The following ZMAT4 variants were observed in gnomAD, a reference collection of about 807,000 sequenced individuals.
ZMAT4 encodes zinc finger matrin-type protein 4.
Under a neutral mutation model 28.7 loss-of-function variants are expected in ZMAT4, and 17 were observed. The ratio of observed to expected loss-of-function variants is 0.59; its 90% confidence interval spans 0.41 to 0.89. The LOEUF is 0.89. Ranked by LOEUF, ZMAT4 falls within the 40% of genes least tolerant of loss-of-function variation. The pLI is 0.00. For synonymous variants in ZMAT4, 117 were observed against 109.2 expected, an observed-to-expected ratio of 1.07 and a Z score of -0.44; for missense variants, 240 against 283.8, an observed-to-expected ratio of 0.85 and a Z score of 1.11.
intron 6 of ZMAT4, among the ~76,000 whole-genome samples, chr8:40,570,803 G>A (rs1247957219): frequency 6.6e-6 from 1 of 152,180 alleles, no homozygotes; most frequent in Non-Finnish European, 1.5e-5. Context: ...TTGAGAGACA[G>A]GGCTGACCCT....
chr8:40,601,348 A>G (rs1805295928), intron 5 of ZMAT4, among the ~76,000 whole-genome samples: 1 of 148,918 alleles, frequency 6.7e-6, no homozygotes. Context: ...AAAGGTCTTC[A>G]AAGTTCACAG....
At chr8:40,597,097 T>C (rs1203105760) in intron 5 of ZMAT4, among the ~76,000 whole-genome samples, 2 of 152,210 alleles carry the variant, frequency 1.3e-5, no homozygotes, top group East Asian at 3.8e-4. Context: ...GATGGATAAA[T>C]AGATGTACAT....
At chr8:40,803,186 C>T (rs746887674) in intron 2 of ZMAT4, among the ~76,000 whole-genome samples, 6 of 152,064 alleles carry the variant, frequency 3.9e-5, no homozygotes, top group Non-Finnish European at 5.9e-5. Flanking sequence ...AGTTGCAACA[C>T]TGTAGGCATG....
At chr8:40,742,655 TC>T (rs1812055641) in intron 3 of ZMAT4, among the ~76,000 whole-genome samples, 1 of 152,076 alleles carries the variant, frequency 6.6e-6, no homozygotes, top group Admixed American at 6.6e-5. Flanking sequence ...CTAATCTACT[TC>T]ATACATTCTT....
At chr8:40,606,202 T>C (rs1013027913) in intron 5 of ZMAT4, among the ~76,000 whole-genome samples, 2 of 152,218 alleles carry the variant, frequency 1.3e-5, no homozygotes, top group Non-Finnish European at 2.9e-5. Flanking sequence ...AGAGGTACTA[T>C]TCTCTTCATC....
chr8:40,547,241 A>G (rs2118405741), intron 6 of ZMAT4, among the ~76,000 whole-genome samples: 1 of 152,246 alleles, frequency 6.6e-6, no homozygotes, highest in African/African-American at 2.4e-5. Flanking sequence ...GATCTCATGA[A>G]CGGCTGCTGG....
At chr8:40,880,403 A>G (rs1818180372) in intron 1 of ZMAT4, among the ~76,000 whole-genome samples, 1 of 152,060 alleles carries the variant, frequency 6.6e-6, no homozygotes, top group Non-Finnish European at 1.5e-5. Context: ...ATCCTAAAAA[A>G]TCACGCTTTC....
intron 1 of ZMAT4, among the ~76,000 whole-genome samples, chr8:40,876,155 G>T (rs964198526): frequency 6.6e-6 from 1 of 152,092 alleles, no homozygotes; most frequent in Non-Finnish European, 1.5e-5. Flanking sequence ...GCAATGACCC[G>T]CTTATTTTCT....
chr8:40,611,908 A>G (rs761882543), intron 5 of ZMAT4, among the ~76,000 whole-genome samples: 1 of 152,240 alleles, frequency 6.6e-6, no homozygotes, highest in African/African-American at 2.4e-5. Context: ...TGAAAGATTT[A>G]GGGTCTGGAA....
intron 3 of ZMAT4, among the ~76,000 whole-genome samples, chr8:40,711,479 T>C (rs560753515): frequency 2.5e-4 from 38 of 152,156 alleles, no homozygotes; most frequent in Middle Eastern, 6.8e-3. Context: ...TCCAATCAAG[T>C]CTCTGAAACC....
chr8:40,621,928 G>A (rs1011934353), intron 5 of ZMAT4, among the ~76,000 whole-genome samples: 1 of 152,180 alleles, frequency 6.6e-6, no homozygotes, highest in African/African-American at 2.4e-5. Context: ...ACTAACAGCA[G>A]TTATGGGGTG....
intron 6 of ZMAT4, among the ~76,000 whole-genome samples, chr8:40,548,539 G>A (rs1646144198): frequency 6.6e-6 from 1 of 152,120 alleles, no homozygotes; most frequent in Non-Finnish European, 1.5e-5. Context: ...GAAATTTAAA[G>A]CCAAAGTATG....
At position 40,581,247 on chromosome 8, in the gene ZMAT4, A is replaced by G. The variant is rs751934990; in HGVS notation, c.592T>C (p.Tyr198His). Residue 198 changes from tyrosine (Y) to histidine (H), a missense_variant, in exon 6 of 7, where the codon TAC (tyrosine) becomes CAC (histidine). Transcript: ENST00000297737. The stretch of plus-strand genomic sequence containing the variant: ...GAGACACTGCAGATGGTACATCTGT[A>G]ATTGCGCCTCAGACCTGTGGACAAC... ...MGELRGLRRN[Y>H]RCTICSVSLN... 1 of 1,613,256 alleles carries G rather than the reference A, an allele frequency of 6.2e-7. No individual in the cohort carries two copies. Among genetic ancestry groups the G allele is most frequent in the Non-Finnish European group, 8.5e-7 (1 of 1,179,394 alleles).
intron 3 of ZMAT4, among the ~76,000 whole-genome samples, chr8:40,716,761 A>G (rs1476863263): frequency 1.3e-5 from 2 of 152,166 alleles, no homozygotes; most frequent in Non-Finnish European, 2.9e-5. Flanking sequence ...CTAGCAGGAG[A>G]TCTTCATTAC....
chr8:40,670,913 G>A (rs560208786), intron 5 of ZMAT4, among the ~76,000 whole-genome samples: 6 of 151,496 alleles, frequency 4.0e-5, no homozygotes, highest in African/African-American at 4.8e-5. Flanking sequence ...CTAAAAATAC[G>A]AAAATTAGCT....
chr8:40,658,024 A>C (rs1424728824), intron 5 of ZMAT4, among the ~76,000 whole-genome samples: 1 of 151,818 alleles, frequency 6.6e-6, no homozygotes, highest in Non-Finnish European at 1.5e-5. Flanking sequence ...TTTCAAGTTC[A>C]CTCTCTTTAA....
intron 2 of ZMAT4, among the ~76,000 whole-genome samples, chr8:40,769,737 GAAA>G (rs1410472917): frequency 6.6e-5 from 10 of 151,416 alleles, no homozygotes; most frequent in Non-Finnish European, 1.5e-4. Flanking sequence ...TCCAGAGAAT[GAAA>G]TTATGGCAAA....
At chr8:40,753,944 T>C (rs1166208011) in intron 3 of ZMAT4, among the ~76,000 whole-genome samples, 2 of 152,122 alleles carry the variant, frequency 1.3e-5, no homozygotes, top group African/African-American at 4.8e-5. Context: ...TCCCAGTGTT[T>C]TGGGAGACCG....
At chr8:40,841,570 C>T (rs1300215294) in intron 1 of ZMAT4, among the ~76,000 whole-genome samples, 6 of 152,182 alleles carry the variant, frequency 3.9e-5, no homozygotes, top group Non-Finnish European at 7.3e-5. Context: ...TGTGCACCCC[C>T]ATAGGTGTGC....
Sources: gnomAD v4.1 joint callset for allele counts (sites outside exome capture counted in the v4.1 genomes callset) on GRCh38, gnomAD v4.1.1 for gene constraint, MANE v1.5 for transcripts, NCBI Gene and HGNC (gene_info 2026-07-23, HGNC 2026-07-21) for gene names.